Variants in FAM13A observed in about 807,000 individuals in gnomAD.
FAM13A encodes protein FAM13A.
Under a neutral mutation model 129.6 loss-of-function variants are expected in FAM13A, and 76 were observed. The observed-to-expected ratio is 0.59, with a 90% CI of 0.49 to 0.71. The LOEUF (loss-of-function observed/expected upper bound fraction) is 0.71. Among genes scored for constraint, FAM13A ranks in the 30% least tolerant of loss-of-function variants. The pLI is 0.00. For missense variants in FAM13A, 1,108 were observed against 1,249.3 expected, an observed-to-expected ratio of 0.89 and a Z score of 1.70; for synonymous variants, 443 against 449.9, an observed-to-expected ratio of 0.98 and a Z score of 0.20.
intron 5 of FAM13A, among the ~76,000 whole-genome samples, chr4:88,919,518 C>T (rs899689480): frequency 4.6e-5 from 7 of 152,142 alleles, no homozygotes; most frequent in Admixed American, 2.6e-4. Context: ...TTAGAAGATA[C>T]AAGAATGTAT....
intron 3 of FAM13A, among the ~76,000 whole-genome samples, chr4:88,999,138 C>T (rs56058632): frequency 2.0e-5 from 3 of 152,066 alleles, no homozygotes; most frequent in African/African-American, 7.2e-5. Context: ...AGAGCAAAGG[C>T]CTGCAGGAAG....
chr4:88,840,293 T>C (rs1166162701), intron 7 of FAM13A, among the ~76,000 whole-genome samples: 1 of 152,108 alleles, frequency 6.6e-6, no homozygotes, highest in South Asian at 2.1e-4. Flanking sequence ...GGTGTGTGGA[T>C]TGAAGAATGA....
intron 3 of FAM13A, among the ~76,000 whole-genome samples, chr4:89,015,789 AAC>A (rs1319449470): frequency 2.0e-5 from 3 of 152,298 alleles, no homozygotes; most frequent in South Asian, 2.1e-4. Context: ...AGTTAACTGT[AAC>A]ACAGACTCAG....
intron 6 of FAM13A, among the ~76,000 whole-genome samples, chr4:88,904,319 T>C (rs2150223827): frequency 6.6e-6 from 1 of 152,284 alleles, no homozygotes; most frequent in Non-Finnish European, 1.5e-5. Flanking sequence ...CATGCACATG[T>C]ATGTTCACTG....
At chr4:88,859,143 G>A (rs921471956) in intron 6 of FAM13A, among the ~76,000 whole-genome samples, 15 of 152,164 alleles carry the variant, frequency 9.9e-5, no homozygotes, top group African/African-American at 3.6e-4. Context: ...GTTCTGCTGT[G>A]AAGAATAGCA....
chr4:88,966,341 T>G (rs1560572224), intron 4 of FAM13A, among the ~76,000 whole-genome samples: 1 of 152,184 alleles, frequency 6.6e-6, no homozygotes, highest in South Asian at 2.1e-4. Flanking sequence ...CATTCCTTCT[T>G]TGAACAAACA....
intron 4 of FAM13A, among the ~76,000 whole-genome samples, chr4:88,955,082 C>T (rs550690009): frequency 5.9e-5 from 9 of 152,026 alleles, no homozygotes; most frequent in Non-Finnish European, 1.2e-4. Flanking sequence ...CGTTTTATAA[C>T]TCTCACAAAT....
At position 88,923,387 on chromosome 4, in the gene FAM13A, G is replaced by C. The variant is rs568974045; in HGVS notation, c.759+14701C>G. ...GTGGGCTTCATCCCTGGGATGCAAG[G>C]CTGGTTCAACAAACGCAAATCAATA... On this transcript the variant is annotated intron_variant, in intron 5 of 23. Coordinates refer to ENST00000264344, the MANE Select transcript of FAM13A (RefSeq NM_014883.4). Among the ~76,000 whole-genome samples, 290 of 152,298 alleles carry C rather than the reference G, an allele frequency of 1.9e-3. 2 individuals carry two copies. The highest frequency in any genetic ancestry group is 6.6e-3 in the African/African-American group (276 of 41,562).
chr4:88,895,771 CAGGTGCTGGAG>C (rs1296149575), intron 6 of FAM13A, among the ~76,000 whole-genome samples: 2 of 92,586 alleles, frequency 2.2e-5, no homozygotes, highest in Non-Finnish European at 4.3e-5. Flanking sequence ...CAGGAAACAA[CAGGTGCTGGAG>C]AGGATGTGGA....
At chr4:88,790,160 C>T (rs1724833848) in intron 9 of FAM13A, among the ~76,000 whole-genome samples, 1 of 152,084 alleles carries the variant, frequency 6.6e-6, no homozygotes, top group African/African-American at 2.4e-5. Context: ...CATTACACAT[C>T]TAACATGCGC....
intron 1 of FAM13A, among the ~76,000 whole-genome samples, chr4:89,054,838 C>G (rs1367566247): frequency 6.6e-6 from 1 of 152,156 alleles, no homozygotes; most frequent in East Asian, 1.9e-4. Context: ...CACCCCTCAC[C>G]TTTCCACCAC....
At chr4:88,810,885 G>T (rs908680510) in intron 7 of FAM13A, among the ~76,000 whole-genome samples, 21 of 152,130 alleles carry the variant, frequency 1.4e-4, no homozygotes, top group African/African-American at 5.1e-4. Flanking sequence ...TTAGTTTGCT[G>T]GGATATTTTC....
Position 89,020,475 on chromosome 4 carries a change from T to C in FAM13A, c.412A>G (p.Ile138Val). 3 of 1,613,720 alleles carry C rather than the reference T, an allele frequency of 1.9e-6. No individual in the cohort carries two copies. Among genetic ancestry groups the C allele is most frequent in the Non-Finnish European group, 2.5e-6 (3 of 1,179,702 alleles). Residue 138 changes from isoleucine (I) to valine (V), a missense_variant, in exon 3 of 24, where the codon ATT becomes GTT. Physicochemically the swap from Ile to Val is conservative, Grantham distance 29 (BLOSUM62 3). Transcript: ENST00000264344. ...TTGTACTAACCCTGAAAGAGTTGAA[T>C]GAATCGAGGCTGCAACGCTGAGGTG... is the stretch of plus-strand genomic sequence containing the variant. ...LITSALQPRFIQLFQDGRNDV... is the reference protein window; with the variant it reads ...LITSALQPRFVQLFQDGRNDV...
At chr4:88,922,865 G>T (rs1275854499) in intron 5 of FAM13A, among the ~76,000 whole-genome samples, 1 of 152,000 alleles carries the variant, frequency 6.6e-6, no homozygotes, top group Non-Finnish European at 1.5e-5. Flanking sequence ...TGATAAAGGG[G>T]ATATCACCAC....
At chr4:88,814,897 T>A (rs950914495) in intron 7 of FAM13A, among the ~76,000 whole-genome samples, 9 of 152,020 alleles carry the variant, frequency 5.9e-5, no homozygotes, top group Non-Finnish European at 1.3e-4. Context: ...TAGGCTGGAG[T>A]ACAGTGGCAT....
At chr4:88,856,902 C>A (rs1433296266) in intron 6 of FAM13A, among the ~76,000 whole-genome samples, 2 of 152,138 alleles carry the variant, frequency 1.3e-5, no homozygotes, top group Non-Finnish European at 2.9e-5. Flanking sequence ...AAAAAAGATA[C>A]ATAGTTTTAA....
chr4:88,945,760 A>G (rs1256126619), intron 4 of FAM13A, among the ~76,000 whole-genome samples: 5 of 144,582 alleles, frequency 3.5e-5, no homozygotes, highest in South Asian at 4.3e-4. Context: ...CACTATTAGT[A>G]TATATATATA....
intron 14 of FAM13A, 30 bp from the exon 15 acceptor site, chr4:88,750,667 T>C: frequency 6.5e-7 from 1 of 1,538,624 alleles, no homozygotes; most frequent in Non-Finnish European, 9.0e-7. Context: ...AGATCAGGAC[T>C]GTTCCTGAAA....
chr4:88,862,775 T>A (rs1739702749), intron 6 of FAM13A, among the ~76,000 whole-genome samples: 1 of 152,088 alleles, frequency 6.6e-6, no homozygotes, highest in South Asian at 2.1e-4. Flanking sequence ...ATGAACCAGT[T>A]TTTTACGTGT....
Sources: allele counts gnomAD v4.1 joint callset (sites outside exome capture counted in the v4.1 genomes callset), GRCh38; gene constraint gnomAD v4.1.1; transcripts MANE v1.5; gene names NCBI Gene and HGNC (gene_info 2026-07-23, HGNC 2026-07-21).